IL1RAPL2: variants seen among roughly 807,000 people sequenced by gnomAD.
The protein encoded by IL1RAPL2 is X-linked interleukin-1 receptor accessory protein-like 2.
Under a neutral mutation model 44.1 loss-of-function variants are expected in IL1RAPL2, and 3 were observed. The ratio of observed to expected loss-of-function variants is 0.07; its 90% CI spans 0.03 to 0.18. The LOEUF (loss-of-function observed/expected upper bound fraction) is 0.18. IL1RAPL2 is among the 10% of genes least tolerant of loss of function. IL1RAPL2 has a pLI of 1.00. For missense variants in IL1RAPL2, 391 were observed against 496.4 expected, an observed-to-expected ratio of 0.79 and a Z score of 2.02; for synonymous variants, 181 against 178.8, an observed-to-expected ratio of 1.01 and a Z score of -0.10.
At position 105,420,764 on chromosome X, in the gene IL1RAPL2, A is replaced by T. The variant is rs5962511; in HGVS notation, c.698-63549A>T. ...AAATGACAGCAACACTTCATTCAGTATTGGGAAGTGTGAGAAATTTGACTG... is the reference window on the plus strand; with the variant it reads ...AAATGACAGCAACACTTCATTCAGTTTTGGGAAGTGTGAGAAATTTGACTG... On this transcript the variant is annotated intron_variant, in intron 5 of 10. Transcript: ENST00000372582. Among the ~76,000 whole-genome samples the T allele has an allele frequency of 6.1e-3, 678 of 111,489 alleles. 8 individuals are homozygous for T. Among genetic ancestry groups the T allele is most frequent in the African/African-American group, 0.021 (652 of 30,687 alleles).
intron 5 of IL1RAPL2, among the ~76,000 whole-genome samples, chrX:105,363,534 A>G (rs970585733): frequency 3.7e-5 from 4 of 107,203 alleles, no homozygotes; most frequent in African/African-American, 1.3e-4. Context: ...ACTTTCCAAA[A>G]TGGCTGTAAT....
At chrX:105,169,164 C>T (rs987541972) in intron 2 of IL1RAPL2, among the ~76,000 whole-genome samples, 6 of 111,835 alleles carry the variant, frequency 5.4e-5, no homozygotes, top group Non-Finnish European at 1.1e-4. Context: ...AATGATGTTA[C>T]TTAATAAGGA....
chrX:105,143,973 A>G (rs902702821), intron 2 of IL1RAPL2, among the ~76,000 whole-genome samples: 5 of 109,897 alleles, frequency 4.5e-5, no homozygotes, highest in Admixed American at 2.0e-4. Context: ...CATGTACCCT[A>G]AAACTTAAAG....
chrX:105,357,674 TA>T (rs2035213548), intron 5 of IL1RAPL2, among the ~76,000 whole-genome samples: 1 of 110,000 alleles, frequency 9.1e-6, no homozygotes, highest in Non-Finnish European at 1.9e-5. Flanking sequence ...CAGGACAGGC[TA>T]AAAGAAGATA....
intron 6 of IL1RAPL2, among the ~76,000 whole-genome samples, chrX:105,710,807 A>G: frequency 9.1e-6 from 1 of 109,369 alleles, no homozygotes; most frequent in Non-Finnish European, 1.9e-5. Context: ...CAGAGAAAGA[A>G]AGGACCTTGG....
chrX:105,191,124 A>G (rs961246529), intron 2 of IL1RAPL2, among the ~76,000 whole-genome samples: 18 of 113,084 alleles, frequency 1.6e-4, no homozygotes, highest in African/African-American at 5.8e-4. Flanking sequence ...CAGAATGAAA[A>G]TGATTAAAAT....
At chrX:105,618,767 A>G (rs1224181304) in intron 6 of IL1RAPL2, among the ~76,000 whole-genome samples, 1 of 112,296 alleles carries the variant, frequency 8.9e-6, no homozygotes, top group African/African-American at 3.2e-5. Context: ...CTGTAAGGGA[A>G]TATCAGAGAA....
At chrX:105,110,715 G>A (rs983980926) in intron 2 of IL1RAPL2, among the ~76,000 whole-genome samples, 1 of 111,176 alleles carries the variant, frequency 9.0e-6, no homozygotes, top group African/African-American at 3.3e-5. Context: ...CAAGGTGGGC[G>A]GGCACGAGGT....
intron 5 of IL1RAPL2, among the ~76,000 whole-genome samples, chrX:105,302,472 AG>A (rs1412025451): frequency 1.8e-5 from 2 of 111,987 alleles, no homozygotes; most frequent in Non-Finnish European, 3.8e-5. Context: ...GAATCCTGCC[AG>A]GACTTGGTTC....
chrX:105,748,886 T>C, intron 8 of IL1RAPL2, 74 bp from the exon 9 acceptor site: 2 of 1,034,065 alleles, frequency 1.9e-6, no homozygotes, highest in Non-Finnish European at 2.7e-6. Context: ...GTACATCTTA[T>C]ATACTAGAAA....
chrX:105,227,803 A>G (rs1016458928), intron 3 of IL1RAPL2, among the ~76,000 whole-genome samples: 22 of 112,386 alleles, frequency 2.0e-4, no homozygotes, highest in Admixed American at 5.7e-4. Context: ...AGATTTTTCA[A>G]TAAAACTTTC....
chrX:105,719,134 A>G (rs760618869), intron 7 of IL1RAPL2, among the ~76,000 whole-genome samples: 2 of 111,911 alleles, frequency 1.8e-5, no homozygotes, highest in Non-Finnish European at 3.8e-5. Context: ...ACAAAAATGA[A>G]AACAACCTAA....
chrX:105,226,296 C>T (rs2034013356), intron 3 of IL1RAPL2, among the ~76,000 whole-genome samples: 1 of 105,388 alleles, frequency 9.5e-6, no homozygotes, highest in African/African-American at 3.4e-5. Flanking sequence ...ATTCTGGTGT[C>T]TTCTACCAGC....
intron 1 of IL1RAPL2, among the ~76,000 whole-genome samples, chrX:104,593,454 C>T (rs1928707056): frequency 8.9e-6 from 1 of 112,010 alleles, no homozygotes; most frequent in Non-Finnish European, 1.9e-5. Context: ...GAGAAAATCA[C>T]CTAGAAATTT....
intron 5 of IL1RAPL2, among the ~76,000 whole-genome samples, chrX:105,275,930 G>A (rs1182035768): frequency 9.0e-6 from 1 of 111,611 alleles, no homozygotes; most frequent in Non-Finnish European, 1.9e-5. Context: ...TGCAACTCAA[G>A]GAGGATTCCA....
At chrX:105,437,045 A>G (rs1227599833) in intron 5 of IL1RAPL2, among the ~76,000 whole-genome samples, 1 of 105,670 alleles carries the variant, frequency 9.5e-6, no homozygotes, top group Non-Finnish European at 1.9e-5. Context: ...ATATATATAT[A>G]TATACCATAT....
chrX:105,042,181 T>A (rs1217099834), intron 2 of IL1RAPL2, among the ~76,000 whole-genome samples: 3 of 110,585 alleles, frequency 2.7e-5, no homozygotes, highest in East Asian at 2.9e-4. Flanking sequence ...GGACTTCATG[T>A]CTAAAACACC....
intron 2 of IL1RAPL2, among the ~76,000 whole-genome samples, chrX:105,101,377 T>C (rs778532758): frequency 1.8e-5 from 2 of 112,199 alleles, no homozygotes; most frequent in East Asian, 5.6e-4. Flanking sequence ...AGATGCCAAA[T>C]GCCAGTTGAC....
At chrX:105,573,754 C>T (rs888333549) in intron 6 of IL1RAPL2, among the ~76,000 whole-genome samples, 7 of 111,121 alleles carry the variant, frequency 6.3e-5, no homozygotes, top group Non-Finnish European at 1.3e-4. Context: ...TGTGACACAT[C>T]CAAGTAGAAA....
Sources: allele counts gnomAD v4.1 joint callset (sites outside exome capture counted in the v4.1 genomes callset), GRCh38; gene constraint gnomAD v4.1.1; transcripts MANE v1.5; gene names NCBI Gene and HGNC (gene_info 2026-07-23, HGNC 2026-07-21).